The following PLPPR4 variants were observed in gnomAD, a reference collection of about 807,000 sequenced individuals.
The protein encoded by PLPPR4 is phospholipid phosphatase related 4.
PLPPR4 carries 24 observed loss-of-function variants against 56.6 expected under a neutral mutation model. The observed-to-expected ratio is 0.42, with a 90% confidence interval of 0.31 to 0.60. PLPPR4 has a LOEUF of 0.60. Ranked by LOEUF, PLPPR4 falls within the 20% of genes least tolerant of loss-of-function variation. PLPPR4 has a pLI of 0.13. For synonymous variants in PLPPR4, 326 were observed against 328.1 expected (o/e 0.99, Z 0.07); for missense variants, 654 against 885.8 (o/e 0.74, Z 3.32).
chr1:99,266,433 G>A (rs569196523), intron 1 of PLPPR4, among the ~76,000 whole-genome samples: 10 of 152,322 alleles, frequency 6.6e-5, no homozygotes, highest in African/African-American at 9.6e-5. Context: ...GTACGTGGGC[G>A]CTTTTGAGGC....
At chr1:99,272,972 G>A (rs533126710) in intron 1 of PLPPR4, among the ~76,000 whole-genome samples, 1 of 152,178 alleles carries the variant, frequency 6.6e-6, no homozygotes, top group East Asian at 1.9e-4. Context: ...AAAAAAAAAG[G>A]TGATATTTAA....
intron 1 of PLPPR4, among the ~76,000 whole-genome samples, chr1:99,269,159 A>T (rs2100782468): frequency 6.6e-6 from 1 of 152,074 alleles, no homozygotes; most frequent in Middle Eastern, 3.4e-3. Context: ...CCCACTTATG[A>T]GTGAGAACAT....
intron 5 of PLPPR4, 133 bp from the exon 6 acceptor site, chr1:99,301,591 C>CATAGA (rs1659885296): frequency 1.8e-6 from 1 of 557,186 alleles, no homozygotes; most frequent in Admixed American, 3.1e-5. Context: ...AGGCACAGAA[C>CATAGA]ATAGCCATAG....
intron 2 of PLPPR4, among the ~76,000 whole-genome samples, chr1:99,292,011 C>A (rs1456179): frequency 6.6e-6 from 1 of 152,052 alleles, no homozygotes; most frequent in East Asian, 1.9e-4. Context: ...CACCAGAAAG[C>A]GCTTATCCTA....
In PLPPR4 at chr1:99,306,516, AC is replaced by A; in HGVS notation, c.1655del (p.Thr552ArgfsTer13). On this transcript the variant is annotated frameshift_variant, in exon 7 of 7. Transcript: ENST00000370185. LOFTEE classifies it high-confidence loss of function. The surrounding 1 kb of genome is among the most constrained non-coding windows in gnomAD (Gnocchi z 4.0). ...CAGCCCCAAGAACACTGAAGGCAGC[AC>A]GGTCTCCTGCACTGGCTCCATCCGC... ...QSSPKNTEGS[T>X]VSCTGSIRYK... is the part of the protein sequence containing the mutation. The A allele has an allele frequency of 6.2e-7, 1 of 1,614,200 alleles. No individual in the cohort carries two copies. Among genetic ancestry groups the A allele is most frequent in the Non-Finnish European group, 8.5e-7 (1 of 1,180,030 alleles).
upstream of PLPPR4, chr1:99,264,302 C>A: frequency 3.0e-6 from 2 of 658,358 alleles, no homozygotes; most frequent in Non-Finnish European, 2.5e-6. Flanking sequence ...GAAGCCATTG[C>A]AGCAACAGCT....
At position 99,307,102 on chromosome 1, in the gene PLPPR4, A is replaced by G; in HGVS notation, c.*92A>G. 6.9e-7 allele frequency: 1 copy of G among 1,448,934 alleles called. No homozygotes were observed. Among genetic ancestry groups the G allele is most frequent in the Admixed American group, 2.2e-5 (1 of 45,628 alleles). The allele number at this position is 1,448,934 out of a possible 1,614,324, so 89.8% of individuals were successfully genotyped here. A position where few individuals can be genotyped will look rare whatever the true frequency, so the allele number is the denominator to read the frequency against. On this transcript the variant is annotated 3_prime_UTR_variant, in exon 7 of 7. Transcript: ENST00000370185. ...TCCAGCGAATTGGGAAGTCTCACCA[A>G]GCTAGATTGTCTACCATCAGCCCAG...
intron 1 of PLPPR4, among the ~76,000 whole-genome samples, chr1:99,283,689 G>A (rs890051005): frequency 2.0e-5 from 3 of 152,170 alleles, no homozygotes; most frequent in Non-Finnish European, 2.9e-5. Flanking sequence ...GGTGGCTCAC[G>A]CCTGTAATCC....
intron 1 of PLPPR4, among the ~76,000 whole-genome samples, chr1:99,266,899 T>G (rs547067154): frequency 6.6e-6 from 1 of 152,380 alleles, no homozygotes; most frequent in Non-Finnish European, 1.5e-5. Context: ...GAGAATGCAC[T>G]AAATTTACAT....
rs756260303 is a variant in PLPPR4, at chr1:99,306,181, T to A, written c.1319T>A (p.Val440Glu). ...EMRSSSEPSR[V>E]GVNGDHHGPG... ...AGGTCAAGCTCAGAGCCATCGAGGGTAGGGGTGAATGGAGACCACCATGGT... is the reference window on the plus strand; with the variant it reads ...AGGTCAAGCTCAGAGCCATCGAGGGAAGGGGTGAATGGAGACCACCATGGT... Residue 440 changes from valine to glutamate, a missense_variant, in exon 7 of 7, where the codon GTA becomes GAA. Physicochemically the swap from Val to Glu is moderately radical, Grantham distance 121 (BLOSUM62 -2). Transcript: ENST00000370185. This position sits in a 1 kb window ranked among gnomAD's most constrained non-coding sequence, Gnocchi z 4.0. 2 of 1,613,708 alleles carry A rather than the reference T, an allele frequency of 1.2e-6. No homozygotes were observed. The highest frequency in any genetic ancestry group is 1.7e-4 in the Middle Eastern group (1 of 6,060).
At chr1:99,289,048 TAATA>T (rs1490029472) in intron 2 of PLPPR4, among the ~76,000 whole-genome samples, 14 of 152,158 alleles carry the variant, frequency 9.2e-5, no homozygotes, top group Admixed American at 9.2e-4. Context: ...ATAAATCTAT[TAATA>T]AATAAGACTG....
rs754790611 is a variant in PLPPR4, at chr1:99,305,768, C to A, written c.906C>A (p.Leu302=). 6.2e-7 allele frequency: 1 copy of A among 1,614,088 alleles called. No homozygotes were observed. Among genetic ancestry groups the A allele is most frequent in the South Asian group, 1.1e-5 (1 of 91,086 alleles). The part of the protein sequence containing the change: ...HRDALRSLTD[L]NQDPNRLLSA... The stretch of plus-strand genomic sequence containing the variant: ...ACGCCCTCAGGTCTCTGACAGACCT[C>A]AATCAAGATCCCAACCGACTTTTAT... Residue 302 remains leucine, a synonymous_variant, in exon 7 of 7, where the codon CTC becomes CTA. Coordinates refer to ENST00000370185, the MANE Select transcript of PLPPR4 (RefSeq NM_014839.5).
chr1:99,265,656 A>G (rs1658876303), intron 1 of PLPPR4, among the ~76,000 whole-genome samples: 1 of 152,246 alleles, frequency 6.6e-6, no homozygotes, highest in Non-Finnish European at 1.5e-5. Flanking sequence ...GAGAATTATA[A>G]GACTGTTGCT....
intron 1 of PLPPR4, among the ~76,000 whole-genome samples, chr1:99,286,201 T>G (rs1019522458): frequency 2.0e-5 from 3 of 152,224 alleles, no homozygotes; most frequent in African/African-American, 7.2e-5. Context: ...ATACTTACAC[T>G]AAAAATTATT....
At chr1:99,268,380 T>C (rs1486886063) in intron 1 of PLPPR4, among the ~76,000 whole-genome samples, 1 of 152,172 alleles carries the variant, frequency 6.6e-6, no homozygotes, top group Admixed American at 6.5e-5. Flanking sequence ...GGAGTAAAGA[T>C]GTTGGCAGCC....
chr1:99,301,639 A>G (rs369029347), intron 5 of PLPPR4, 85 bp from the exon 6 acceptor site: 4 of 960,452 alleles, frequency 4.2e-6, no homozygotes, highest in African/African-American at 3.3e-5. Flanking sequence ...AGTCAATTGT[A>G]TCAGACTTTT....
intron 1 of PLPPR4, among the ~76,000 whole-genome samples, chr1:99,267,110 T>G (rs1658918533): frequency 6.6e-6 from 1 of 152,232 alleles, no homozygotes; most frequent in Admixed American, 6.5e-5. Context: ...AACCATAATT[T>G]AAGTAACAAG....
intron 1 of PLPPR4, among the ~76,000 whole-genome samples, chr1:99,266,151 A>G (rs1658891521): frequency 6.6e-6 from 1 of 152,242 alleles, no homozygotes; most frequent in Non-Finnish European, 1.5e-5. Flanking sequence ...GAATAGAAAG[A>G]TGAGATACCT....
chr1:99,306,046 G>C lies in PLPPR4; in HGVS notation c.1184G>C (p.Arg395Pro). The C allele has an allele frequency of 6.2e-7, 1 of 1,614,110 alleles. No homozygotes were observed. Among genetic ancestry groups the C allele is most frequent in the East Asian group, 2.2e-5 (1 of 44,870 alleles). ...ATTCATGCCTCTATGGATTCCGCTCGATCAAAGCAGCTCCTCACCCAGTGG... is the reference window on the plus strand; with the variant it reads ...ATTCATGCCTCTATGGATTCCGCTCCATCAAAGCAGCTCCTCACCCAGTGG... ...ASIHASMDSA[R>P]SKQLLTQWKN... The change falls in exon 7 of 7, where the codon CGA becomes CCA. Residue 395 changes from arginine (R) to proline (P), a missense_variant. Arg to Pro is a moderately radical substitution (Grantham distance 103, BLOSUM62 -2). Around this residue, in one of 2 missense-constraint regions of PLPPR4, gnomAD observed 468 missense variants for 554.3 expected, o/e 0.84. Coordinates refer to ENST00000370185, the MANE Select transcript of PLPPR4 (RefSeq NM_014839.5). The surrounding 1 kb of genome is among the most constrained non-coding windows in gnomAD (Gnocchi z 4.0).
Sources: allele counts gnomAD v4.1 joint callset (sites outside exome capture counted in the v4.1 genomes callset), GRCh38; gene constraint gnomAD v4.1.1; regional missense constraint gnomAD v4.1.1; non-coding constraint Gnocchi (gnomAD v3.1); transcripts MANE v1.5; gene names NCBI Gene and HGNC (gene_info 2026-07-23, HGNC 2026-07-21).